Variants in MAPT observed in about 807,000 individuals in gnomAD.
MAPT encodes microtubule-associated protein tau.
In MAPT, 34 loss-of-function variants were observed where a neutral mutation model predicts 67.9. The ratio of observed to expected loss-of-function variants is 0.50; its 90% CI spans 0.38 to 0.67. The LOEUF is 0.67. Among genes scored for constraint, MAPT ranks in the 30% least tolerant of loss-of-function variants. The pLI, the probability that MAPT is intolerant of heterozygous loss-of-function variation, is 0.00. For missense variants in MAPT, 881 were observed against 1,115.2 expected (o/e 0.79, Z 2.99); for synonymous variants, 456 against 464.5 (o/e 0.98, Z 0.23).
At chr17:45,946,615 A>AAAAAAATATATATATAT in intron 1 of MAPT, among the ~76,000 whole-genome samples, 1 of 100,402 alleles carries the variant, frequency 1.0e-5, no homozygotes. Flanking sequence ...AAAAAAAAAA[A>AAAAAAATATATATATAT]ATATATATAT....
intron 10 of MAPT, among the ~76,000 whole-genome samples, chr17:46,012,904 G>A (rs1490444559): frequency 6.6e-6 from 1 of 151,994 alleles, no homozygotes; most frequent in South Asian, 2.1e-4. Flanking sequence ...AAGCCAGGCC[G>A]CGCGCCATCC....
At chr17:46,005,952 A>G (rs2075379710) in intron 9 of MAPT, among the ~76,000 whole-genome samples, 1 of 152,238 alleles carries the variant, frequency 6.6e-6, no homozygotes, top group Non-Finnish European at 1.5e-5. Context: ...GACCTGAGAA[A>G]GTTGCGGAAC....
At position 45,991,533 on chromosome 17, in the gene MAPT, C is replaced by A. The variant is rs374523783; in HGVS notation, c.1679C>A (p.Ala560Asp). 6.2e-7 allele frequency: 1 copy of A among 1,614,074 alleles called. No individual in the cohort carries two copies. The highest frequency in any genetic ancestry group is 1.3e-5 in the African/African-American group (1 of 74,918). Residue 560 changes from alanine (A) to aspartate (D), a missense_variant, in exon 8 of 13, where the codon GCC (alanine) becomes GAC (aspartate). Transcript: ENST00000262410. ...CCAGGCCAGAAGGGCCAGGCCAACG[C>A]CACCAGGATTCCAGCAAAAACCCCG... ...APPGQKGQAN[A>D]TRIPAKTPPA...
intron 1 of MAPT, among the ~76,000 whole-genome samples, chr17:45,936,010 C>T (rs1458307023): frequency 3.3e-5 from 5 of 152,192 alleles, no homozygotes; most frequent in Non-Finnish European, 5.9e-5. Context: ...CACTCCCAAA[C>T]CCAACCCCCA....
At chr17:46,006,925 A>G (rs1376123698) in intron 9 of MAPT, among the ~76,000 whole-genome samples, 1 of 150,054 alleles carries the variant, frequency 6.7e-6, no homozygotes, top group Non-Finnish European at 1.5e-5. Context: ...TCTATCTCAA[A>G]AAAATAAAAA....
At chr17:45,988,917 G>A (rs1281717530) in intron 6 of MAPT, among the ~76,000 whole-genome samples, 1 of 149,960 alleles carries the variant, frequency 6.7e-6, no homozygotes, top group Non-Finnish European at 1.5e-5. Flanking sequence ...AAACAAAAGA[G>A]TTAACATTGG....
At chr17:45,985,705 C>T (rs755029972) in intron 5 of MAPT, 14 of 985,238 alleles carry the variant, frequency 1.4e-5, no homozygotes, top group East Asian at 1.1e-4. Context: ...TTTGTTGTGC[C>T]GTGGATGGTG....
Position 45,991,494 on chromosome 17 carries a change from G to A in MAPT, c.1640G>A (p.Arg547Gln). ...ADGKTKIATP[R>Q]GAAPPGQKGQ... Reference sequence around the variant, plus strand: ...GGTAAAACGAAGATCGCCACACCGCGGGGAGCAGCCCCTCCAGGCCAGAAG... The same window carrying A: ...GGTAAAACGAAGATCGCCACACCGCAGGGAGCAGCCCCTCCAGGCCAGAAG... Residue 547 changes from arginine (R) to glutamine (Q), a missense_variant, in exon 8 of 13, where the codon CGG becomes CAG. By Grantham distance (43) the Arg-to-Gln change is conservative (BLOSUM62 1). Around this residue, in one of 6 missense-constraint regions of MAPT, gnomAD observed 687 missense variants for 766.1 expected, o/e 0.90. Transcript: ENST00000262410. 3.1e-6 allele frequency: 5 copies of A among 1,614,234 alleles called. No homozygotes were observed. The highest frequency in any genetic ancestry group is 4.2e-6 in the Non-Finnish European group (5 of 1,180,034).
At chr17:46,019,296 T>C (rs1391039003) in intron 12 of MAPT, among the ~76,000 whole-genome samples, 2 of 147,494 alleles carry the variant, frequency 1.4e-5, no homozygotes, top group East Asian at 2.5e-4. Context: ...CCCCCATGAT[T>C]CAGTTACCTC....
At chr17:46,022,715 CTG>C (rs989163751) in intron 12 of MAPT, among the ~76,000 whole-genome samples, 1 of 152,182 alleles carries the variant, frequency 6.6e-6, no homozygotes, top group African/African-American at 2.4e-5. Context: ...CTTTCTGCTT[CTG>C]TGTTTCCTGG....
chr17:45,947,811 ATT>A (rs1568217561), intron 1 of MAPT, among the ~76,000 whole-genome samples: 1 of 151,696 alleles, frequency 6.6e-6, no homozygotes, highest in African/African-American at 2.4e-5. Context: ...ACCCCTCCAC[ATT>A]TCTCTCAAAA....
intron 1 of MAPT, among the ~76,000 whole-genome samples, chr17:45,914,968 CA>C (rs956488427): frequency 6.6e-6 from 1 of 152,152 alleles, no homozygotes; most frequent in African/African-American, 2.4e-5. Context: ...CCTCCTGCCT[CA>C]GCCTCCCAAA....
chr17:46,006,806 C>G (rs929852085), intron 9 of MAPT, among the ~76,000 whole-genome samples: 2 of 151,796 alleles, frequency 1.3e-5, no homozygotes, highest in African/African-American at 4.8e-5. Flanking sequence ...GCCTGTAGTC[C>G]CAGCTACTCG....
intron 8 of MAPT, 123 bp downstream of exon 8, chr17:45,991,709 G>C: frequency 7.4e-7 from 1 of 1,343,650 alleles, no homozygotes; most frequent in Admixed American, 1.8e-5. Flanking sequence ...GCAGCTTGCA[G>C]TTTACTAAGC....
At position 45,915,298 on chromosome 17, in the gene MAPT, G is replaced by A. The variant is rs2065108496; in HGVS notation, c.-18+20612G>A. On this transcript the variant is annotated intron_variant, in intron 1 of 12. Transcript: ENST00000262410. This position sits in a 1 kb window ranked among gnomAD's most constrained non-coding sequence, Gnocchi z 4.4. ...TGTGTGGTGTGGGGGTGTGTGCTGT[G>A]TGAGCGTGTGTGAGTCTGTGTGTGT... Among the ~76,000 whole-genome samples, 1 of 151,054 alleles carries A rather than the reference G, an allele frequency of 6.6e-6. No homozygotes were observed.
Position 45,996,593 on chromosome 17 carries a change from C to T in MAPT, c.1927C>T (p.Pro643Ser). The T allele has an allele frequency of 6.2e-7, 1 of 1,613,922 alleles. No homozygotes were observed. The highest frequency in any genetic ancestry group is 8.5e-7 in the Non-Finnish European group (1 of 1,179,930). ...CCTGCAGACAGCCCCCGTGCCCATGCCAGACCTGAAGAATGTCAAGTCCAA... is the reference window on the plus strand; with the variant it reads ...CCTGCAGACAGCCCCCGTGCCCATGTCAGACCTGAAGAATGTCAAGTCCAA... ...SRLQTAPVPM[P>S]DLKNVKSKIG... The change falls in exon 9 of 13, where the codon CCA becomes TCA. Residue 643 changes from proline (P) to serine (S), a missense_variant. Transcript: ENST00000262410. The surrounding 1 kb of genome is among the most constrained non-coding windows in gnomAD (Gnocchi z 4.5).
At chr17:45,997,406 G>A (rs973207311) in intron 9 of MAPT, among the ~76,000 whole-genome samples, 8 of 152,196 alleles carry the variant, frequency 5.3e-5, no homozygotes, top group South Asian at 2.1e-4. Context: ...GTCCTGCACC[G>A]CTGCAGTCTT....
At chr17:45,910,618 T>G (rs1597882090) in intron 1 of MAPT, 1 of 150,474 alleles carries the variant, frequency 6.6e-6, no homozygotes, top group Admixed American at 6.7e-5. Context: ...AATTTCAGCT[T>G]GAGAATTTGT....
At chr17:46,006,792 G>A (rs1475728888) in intron 9 of MAPT, among the ~76,000 whole-genome samples, 1 of 151,870 alleles carries the variant, frequency 6.6e-6, no homozygotes, top group Non-Finnish European at 1.5e-5. Context: ...GCATGGTGGT[G>A]GGCGCCTGTA....
Sources: gnomAD v4.1 joint callset for allele counts (sites outside exome capture counted in the v4.1 genomes callset) on GRCh38, gnomAD v4.1.1 for gene constraint, gnomAD v4.1.1 regional missense constraint, Gnocchi (gnomAD v3.1) non-coding constraint, MANE v1.5 for transcripts, NCBI Gene and HGNC (gene_info 2026-07-23, HGNC 2026-07-21) for gene names.